HMGB1: variants seen among roughly 807,000 people sequenced by gnomAD.
The protein encoded by HMGB1 is high mobility group protein B1.
For missense variants in HMGB1, 79 were observed against 253.5 expected (o/e 0.31, Z 4.67); for synonymous variants, 81 against 84.0 (o/e 0.96, Z 0.19).
chr13:30,554,706 C>A, intron 1 of HMGB1: 1 of 770,138 alleles, frequency 1.3e-6, no homozygotes, highest in Admixed American at 1.7e-5. Flanking sequence ...GAATGCTCTA[C>A]GGAAACATAT....
chr13:30,499,204 C>T (rs1463328373), intron 1 of HMGB1, among the ~76,000 whole-genome samples: 3 of 152,230 alleles, frequency 2.0e-5, no homozygotes, highest in Non-Finnish European at 4.4e-5. Flanking sequence ...CCACCCGCCT[C>T]AGCCTCCCAA....
chr13:30,550,694 T>C (rs1449970785), intron 1 of HMGB1, among the ~76,000 whole-genome samples: 2 of 152,196 alleles, frequency 1.3e-5, no homozygotes, highest in African/African-American at 2.4e-5. Flanking sequence ...TTTGGTACCA[T>C]ATCTGTTCTG....
intron 1 of HMGB1, among the ~76,000 whole-genome samples, chr13:30,495,398 A>G (rs114518539): frequency 0.01 from 1,589 of 151,762 alleles, 30 homozygotes; most frequent in African/African-American, 0.037. Flanking sequence ...AATCCAATAT[A>G]TATTTCCTGG....
intron 1 of HMGB1, among the ~76,000 whole-genome samples, chr13:30,587,210 C>A (rs192137228): frequency 3.9e-5 from 6 of 152,154 alleles, no homozygotes; most frequent in African/African-American, 1.4e-4. Flanking sequence ...TTTATAAATA[C>A]AGCATGTGGC....
In HMGB1 at chr13:30,463,590, G is replaced by A; in HGVS notation, c.91C>T (p.His31Tyr). 6.2e-7 allele frequency: 1 copy of A among 1,608,818 alleles called. No homozygotes were observed. The highest frequency in any genetic ancestry group is 8.5e-7 in the Non-Finnish European group (1 of 1,177,998). ...GAGAAGTTGACTGAAGCATCTGGGTGCTTCTTCTTATGCTCCTCCCGACAA... is the reference window on the plus strand; with the variant it reads ...GAGAAGTTGACTGAAGCATCTGGGTACTTCTTCTTATGCTCCTCCCGACAA... ...QTCREEHKKK[H>Y]PDASVNFSEF... Residue 31 changes from histidine (H) to tyrosine (Y), a missense_variant, in exon 2 of 5, where the codon CAC becomes TAC. Physicochemically the swap from His to Tyr is moderately conservative, Grantham distance 83. Transcript: ENST00000341423.
chr13:30,545,329 A>G (rs1232492403), intron 1 of HMGB1, among the ~76,000 whole-genome samples: 3 of 151,508 alleles, frequency 2.0e-5, no homozygotes, highest in Non-Finnish European at 4.4e-5. Flanking sequence ...CTGGGTGATG[A>G]ATTAGAGTGC....
intron 4 of HMGB1, chr13:30,461,742 G>A: frequency 7.7e-7 from 1 of 1,302,240 alleles, no homozygotes; most frequent in South Asian, 1.3e-5. Context: ...TATAACTCAT[G>A]AAATGGCATA....
chr13:30,508,107 T>A (rs1041547557), intron 1 of HMGB1, among the ~76,000 whole-genome samples: 1 of 152,222 alleles, frequency 6.6e-6, no homozygotes, highest in Non-Finnish European at 1.5e-5. Flanking sequence ...AAACTGAGTA[T>A]AAATATGTTC....
Position 30,458,255 on chromosome 13 carries a change from CT to C in HMGB1, c.*3101del, listed in dbSNP as rs1886078014. On this transcript the variant is annotated 3_prime_UTR_variant, in exon 5 of 5. Coordinates refer to ENST00000341423, the MANE Select transcript of HMGB1 (RefSeq NM_002128.7). ...TGTACCAAGCAGACCTAAATGTGAA[CT>C]TTCATCAAGGACTATGTGATGTCAA... 1 of 151,598 alleles carries C rather than the reference CT, an allele frequency of 6.6e-6. No homozygotes were observed. The highest frequency in any genetic ancestry group is 1.5e-5 in the Non-Finnish European group (1 of 68,010). 9.4% of individuals were successfully genotyped at this position (151,598 alleles called of 1,614,324 possible). A position where few individuals can be genotyped will look rare whatever the true frequency, so the allele number is the denominator to read the frequency against.
At chr13:30,586,829 C>G (rs1295474248) in intron 1 of HMGB1, among the ~76,000 whole-genome samples, 1 of 152,056 alleles carries the variant, frequency 6.6e-6, no homozygotes, top group African/African-American at 2.4e-5. Context: ...TTTTAATAGG[C>G]ATCTCAAACT....
upstream of HMGB1, among the ~76,000 whole-genome samples, chr13:30,470,123 C>T (rs1475917365): frequency 3.3e-5 from 5 of 151,504 alleles, no homozygotes; most frequent in African/African-American, 1.2e-4. Flanking sequence ...CCATGTTGCT[C>T]AGGCTGGTCT....
At chr13:30,542,386 G>A (rs1479648099) in intron 1 of HMGB1, 2 of 156,282 alleles carry the variant, frequency 1.3e-5, no homozygotes, top group Non-Finnish European at 1.4e-5. Context: ...CGCCTCCCCT[G>A]CCACCCCTGT....
At chr13:30,529,060 T>C (rs1265502392) in intron 1 of HMGB1, among the ~76,000 whole-genome samples, 1 of 140,260 alleles carries the variant, frequency 7.1e-6, no homozygotes, top group Non-Finnish European at 1.5e-5. Context: ...AAAAAAAAGA[T>C]TGAATTTTGG....
intron 1 of HMGB1, among the ~76,000 whole-genome samples, chr13:30,541,186 T>A (rs1370770578): frequency 6.6e-6 from 1 of 152,124 alleles, no homozygotes; most frequent in Non-Finnish European, 1.5e-5. Flanking sequence ...TGACCCAAGC[T>A]AAGGGGCTGG....
At chr13:30,494,325 T>C (rs1194931134) in intron 1 of HMGB1, among the ~76,000 whole-genome samples, 1 of 152,244 alleles carries the variant, frequency 6.6e-6, no homozygotes, top group Non-Finnish European at 1.5e-5. Context: ...TGTTTTTTAC[T>C]GTGGTAAAAT....
intron 1 of HMGB1, among the ~76,000 whole-genome samples, chr13:30,505,466 C>T (rs1009902815): frequency 6.6e-6 from 1 of 152,076 alleles, no homozygotes; most frequent in Non-Finnish European, 1.5e-5. Flanking sequence ...GTGTAAGCCA[C>T]CGCGCCCAAC....
At chr13:30,605,856 C>G (rs1950453001) in intron 1 of HMGB1, among the ~76,000 whole-genome samples, 1 of 152,166 alleles carries the variant, frequency 6.6e-6, no homozygotes, top group African/African-American at 2.4e-5. Context: ...CATATGTTTT[C>G]CCTGTATGTA....
intron 1 of HMGB1, among the ~76,000 whole-genome samples, chr13:30,548,531 T>C (rs1222641055): frequency 6.6e-6 from 1 of 152,234 alleles, no homozygotes; most frequent in Non-Finnish European, 1.5e-5. Flanking sequence ...ACAGTGTCTA[T>C]TACACAAGTT....
chr13:30,474,829 T>G (rs1887032239), intron 1 of HMGB1, among the ~76,000 whole-genome samples: 1 of 144,490 alleles, frequency 6.9e-6, no homozygotes, highest in African/African-American at 2.6e-5. Context: ...GGTGCAACCT[T>G]GGCACTCTCT....
Sources: allele counts gnomAD v4.1 joint callset (sites outside exome capture counted in the v4.1 genomes callset), GRCh38; gene constraint gnomAD v4.1.1; transcripts MANE v1.5; gene names NCBI Gene and HGNC (gene_info 2026-07-23, HGNC 2026-07-21).